The following EPB41L5 variants were observed in gnomAD, a reference collection of about 807,000 sequenced individuals.
The protein encoded by EPB41L5 is erythrocyte membrane protein band 4.1 like 5.
A neutral mutation model predicts 106.6 loss-of-function variants in EPB41L5; 55 were observed. The ratio of observed to expected loss-of-function variants is 0.52; its 90% CI spans 0.42 to 0.65. The LOEUF is 0.65. Among genes scored for constraint, EPB41L5 ranks in the 30% least tolerant of loss-of-function variants. The probability of loss-of-function intolerance (pLI) is 0.00; values close to 1 mark genes in which losing one functional copy is unlikely to be tolerated. For missense variants in EPB41L5, 871 were observed against 882.1 expected (o/e 0.99, Z 0.16); for synonymous variants, 297 against 306.7 (o/e 0.97, Z 0.33).
Position 120,077,134 on chromosome 2 carries a change from A to G in EPB41L5, c.626+43A>G, listed in dbSNP as rs148920149. 2,403 of 1,596,500 alleles carry G rather than the reference A, an allele frequency of 1.5e-3. 26 individuals are homozygous for G. The African/African-American group carries it at 0.026, about 17-fold the overall frequency. ...ATACTTTCTTTAAAATCACCACAAC[A>G]GTTATTTCATATTCATTTTCTTCTG... is the stretch of plus-strand genomic sequence containing the variant. On this transcript the variant is annotated intron_variant, in intron 8 of 24. Transcript: ENST00000263713.
intron 16 of EPB41L5, chr2:120,104,416 G>A (rs1574676896): frequency 2.2e-6 from 3 of 1,382,066 alleles, no homozygotes; most frequent in Non-Finnish European, 2.8e-6. Flanking sequence ...AGGAATCAAG[G>A]AAGCCATATA....
chr2:120,034,690 C>T (rs1176943857), intron 2 of EPB41L5, among the ~76,000 whole-genome samples: 2 of 146,456 alleles, frequency 1.4e-5, no homozygotes, highest in Non-Finnish European at 3.0e-5. Context: ...CAAAACAAAA[C>T]AAAAAAAAAA....
intron 20 of EPB41L5, among the ~76,000 whole-genome samples, chr2:120,159,503 T>A (rs937059537): frequency 3.3e-5 from 5 of 151,514 alleles, no homozygotes; most frequent in African/African-American, 1.2e-4. Flanking sequence ...GATTCAATGC[T>A]ATTTCTGTTA....
At chr2:120,169,703 C>T (rs1687584567) in intron 24 of EPB41L5, among the ~76,000 whole-genome samples, 1 of 152,044 alleles carries the variant, frequency 6.6e-6, no homozygotes, top group South Asian at 2.1e-4. Context: ...AAGAGTTCCT[C>T]CAAATAAGTA....
intron 4 of EPB41L5, 60 bp downstream of exon 4, chr2:120,073,280 G>GA: frequency 1.1e-5 from 14 of 1,311,810 alleles, no homozygotes; most frequent in Non-Finnish European, 1.4e-5. Flanking sequence ...TAGAAATTCT[G>GA]ATTTCTAATA....
intron 16 of EPB41L5, among the ~76,000 whole-genome samples, chr2:120,123,673 T>C (rs1295478273): frequency 4.9e-5 from 7 of 142,148 alleles, no homozygotes; most frequent in Non-Finnish European, 1.1e-4. Context: ...TTTTTTTTTT[T>C]TGATACAGGG....
At chr2:120,069,479 C>T (rs1389938194) in intron 3 of EPB41L5, among the ~76,000 whole-genome samples, 1 of 152,140 alleles carries the variant, frequency 6.6e-6, no homozygotes, top group Non-Finnish European at 1.5e-5. Context: ...ACCTAATAGA[C>T]ATCTACAGAA....
intron 14 of EPB41L5, among the ~76,000 whole-genome samples, chr2:120,098,581 A>C (rs1429614826): frequency 6.6e-6 from 1 of 152,048 alleles, no homozygotes; most frequent in Non-Finnish European, 1.5e-5. Context: ...GCTAATATTA[A>C]CTCATTTAGT....
chr2:120,141,586 A>C (rs761201579), intron 18 of EPB41L5, among the ~76,000 whole-genome samples: 1 of 152,172 alleles, frequency 6.6e-6, no homozygotes, highest in Non-Finnish European at 1.5e-5. Flanking sequence ...CAAAGGGTTC[A>C]AAAGGGGAGG....
At chr2:120,103,463 G>A (rs10174327) in intron 16 of EPB41L5, among the ~76,000 whole-genome samples, 8,190 of 152,192 alleles carry the variant, frequency 0.054, 735 homozygotes, top group African/African-American at 0.19. Context: ...TGTGAACTTT[G>A]ATTATATAAG....
chr2:120,111,343 C>T (rs967197293), intron 16 of EPB41L5, among the ~76,000 whole-genome samples: 4 of 152,164 alleles, frequency 2.6e-5, no homozygotes, highest in African/African-American at 9.7e-5. Flanking sequence ...TGCAGTTTTT[C>T]CCATCTTTGT....
chr2:120,024,933 G>T (rs962943713), intron 2 of EPB41L5, among the ~76,000 whole-genome samples: 1 of 152,150 alleles, frequency 6.6e-6, no homozygotes, highest in Non-Finnish European at 1.5e-5. Flanking sequence ...TTTTCGCATC[G>T]ATGTTCATCA....
rs1180916119 is a variant in EPB41L5, at chr2:120,054,107, A to G, written c.285+11997A>G. ...TTTTTGTTTAGCCATCCTAGTTGGT[A>G]TGAAATGGTGTCTCATTGTGGTTTC... On this transcript the variant is annotated intron_variant, in intron 3 of 24. Coordinates refer to ENST00000263713, the MANE Select transcript of EPB41L5 (RefSeq NM_020909.4). Among the ~76,000 whole-genome samples, 4 of 152,176 alleles carry G rather than the reference A, an allele frequency of 2.6e-5. No individual in the cohort carries two copies. In the East Asian group the frequency reaches 7.7e-4, roughly 29 times the overall value.
chr2:120,081,649 G>A (rs1449198181), intron 10 of EPB41L5, among the ~76,000 whole-genome samples: 1 of 152,108 alleles, frequency 6.6e-6, no homozygotes, highest in Non-Finnish European at 1.5e-5. Context: ...TGTGAAGAAA[G>A]TCATTGTTAG....
At chr2:120,074,818 T>C (rs879804834) in intron 5 of EPB41L5, among the ~76,000 whole-genome samples, 5 of 152,180 alleles carry the variant, frequency 3.3e-5, no homozygotes, top group Admixed American at 2.0e-4. Flanking sequence ...TCTGTAGTTA[T>C]ATCCATGTCT....
rs1238455183 is a variant in EPB41L5 at position 120,048,284 on chromosome 2, G to C, written c.285+6174G>C. Among the ~76,000 whole-genome samples, 5 of 152,228 alleles carry C rather than the reference G, an allele frequency of 3.3e-5. No individual in the cohort carries two copies. The East Asian group carries it at 7.7e-4, about 24-fold the overall frequency. ...GTAGAATTCGGCTGTGAATCCGTCTGGTCCTGGGCTTTTTTTTGGTTGGTA... is the reference window on the plus strand; with the variant it reads ...GTAGAATTCGGCTGTGAATCCGTCTCGTCCTGGGCTTTTTTTTGGTTGGTA... On this transcript the variant is annotated intron_variant, in intron 3 of 24. Transcript: ENST00000263713.
intron 3 of EPB41L5, among the ~76,000 whole-genome samples, chr2:120,063,799 G>A (rs554872103): frequency 1.1e-4 from 16 of 152,086 alleles, no homozygotes; most frequent in South Asian, 4.2e-4. Context: ...AAAATTAGCC[G>A]GGCGTGGTGG....
chr2:120,105,665 T>A (rs1413682836), intron 16 of EPB41L5: 1 of 985,292 alleles, frequency 1.0e-6, no homozygotes, highest in African/African-American at 1.7e-5. Flanking sequence ...TAAATATAAA[T>A]AGATCTGTAT....
intron 14 of EPB41L5, among the ~76,000 whole-genome samples, chr2:120,098,736 T>C (rs552447222): frequency 6.6e-6 from 1 of 152,304 alleles, no homozygotes; most frequent in Non-Finnish European, 1.5e-5. Context: ...AAAAATAGAA[T>C]ATAAAATATG....
Sources: gnomAD v4.1 joint callset for allele counts (sites outside exome capture counted in the v4.1 genomes callset) on GRCh38, gnomAD v4.1.1 for gene constraint, MANE v1.5 for transcripts, NCBI Gene and HGNC (gene_info 2026-07-23, HGNC 2026-07-21) for gene names.